NME1: variants seen among roughly 807,000 people sequenced by gnomAD.
NME1 encodes nucleoside diphosphate kinase A.
In NME1, 9 loss-of-function variants were observed where a neutral mutation model predicts 17.2. The observed-to-expected ratio is 0.52, with a 90% CI of 0.32 to 0.92. The LOEUF is 0.92. Among genes scored for constraint, NME1 ranks in the 40% least tolerant of loss-of-function variants. The probability of loss-of-function intolerance (pLI) is 0.04; values close to 1 mark genes in which losing one functional copy is unlikely to be tolerated. For synonymous variants in NME1, 72 were observed against 70.8 expected (o/e 1.02, Z -0.09); for missense variants, 169 against 201.7 (o/e 0.84, Z 0.98).
intron 2 of NME1, 57 bp downstream of exon 2, chr17:51,155,837 G>A: frequency 6.2e-7 from 1 of 1,606,614 alleles, no homozygotes; most frequent in South Asian, 1.1e-5. Context: ...AGAACACTGT[G>A]ATTAACCTGT....
intron 2 of NME1, among the ~76,000 whole-genome samples, chr17:51,158,781 C>T (rs751911701): frequency 9.9e-5 from 15 of 152,142 alleles, no homozygotes; most frequent in Non-Finnish European, 1.0e-4. Context: ...TTTTAACAAG[C>T]GTATATGCAG....
At chr17:51,154,770 C>T (rs1233387908) in intron 1 of NME1, among the ~76,000 whole-genome samples, 1 of 152,184 alleles carries the variant, frequency 6.6e-6, no homozygotes, top group Non-Finnish European at 1.5e-5. Flanking sequence ...TTAAGTCAAA[C>T]TATTATTTCT....
At chr17:51,161,439 C>A in intron 4 of NME1, 167 bp downstream of exon 4, 1 of 743,126 alleles carries the variant, frequency 1.3e-6, no homozygotes, top group Non-Finnish European at 2.3e-6. Context: ...TTGTTAACAT[C>A]ACTTAGTCGT....
Position 51,155,709 on chromosome 17 carries a change from G to T in NME1, c.55G>T (p.Gly19Cys). 1 of 1,614,156 alleles carries T rather than the reference G, an allele frequency of 6.2e-7. No individual in the cohort carries two copies. Reference sequence around the variant, plus strand: ...GATCAAACCAGATGGGGTCCAGCGGGGTCTTGTGGGAGAGATTATCAAGCG... The same window carrying T: ...GATCAAACCAGATGGGGTCCAGCGGTGTCTTGTGGGAGAGATTATCAAGCG... ...IAIKPDGVQR[G>C]LVGEIIKRFE... Residue 19 changes from glycine (G) to cysteine (C), a missense_variant, in exon 2 of 5, where the codon GGT becomes TGT. Coordinates refer to ENST00000393196, the MANE Select transcript of NME1 (RefSeq NM_000269.3).
In NME1 at chr17:51,161,960, A is replaced by G; in HGVS notation, c.*115A>G. 1.3e-6 allele frequency: 1 copy of G among 758,564 alleles called. No homozygotes were observed. The highest frequency in any genetic ancestry group is 1.8e-5 in the Admixed American group (1 of 55,288). 47.0% of individuals were successfully genotyped at this position (758,564 alleles called of 1,614,324 possible). A position where few individuals can be genotyped will look rare whatever the true frequency, so the allele number is the denominator to read the frequency against. On this transcript the variant is annotated 3_prime_UTR_variant, in exon 5 of 5. Coordinates refer to ENST00000393196, the MANE Select transcript of NME1 (RefSeq NM_000269.3). ...GGAACTTCATCATAATTTGGAGGGAAGCTCTTGGAGCTGTGAGTTCTCCCT... is the reference window on the plus strand; with the variant it reads ...GGAACTTCATCATAATTTGGAGGGAGGCTCTTGGAGCTGTGAGTTCTCCCT...
chr17:51,161,894 A>C lies in NME1; in HGVS notation c.*49A>C. 8.5e-7 allele frequency: 1 copy of C among 1,176,396 alleles called. No individual in the cohort carries two copies. The highest frequency in any genetic ancestry group is 1.3e-6 in the Non-Finnish European group (1 of 782,192). The allele number at this position is 1,176,396 out of a possible 1,614,324, so 72.9% of individuals were successfully genotyped here. A position where few individuals can be genotyped will look rare whatever the true frequency, so the allele number is the denominator to read the frequency against. ...TTCACATCCATTTCCCCTCCTTCCC[A>C]TGGGCAGAGGACCAGGCTGTAGGAA... is the stretch of plus-strand genomic sequence containing the variant. On this transcript the variant is annotated 3_prime_UTR_variant, in exon 5 of 5. Transcript: ENST00000393196.
At position 51,155,756 on chromosome 17, in the gene NME1, C is replaced by T; in HGVS notation, c.102C>T (p.Arg34=). The part of the protein sequence containing the change: ...IIKRFEQKGF[R]LVGLKFMQAS... ...AGCGTTTTGAGCAGAAAGGATTCCG[C>T]CTTGTTGGTCTGAAATTCATGCAAG... is the stretch of plus-strand genomic sequence containing the variant. The change falls in exon 2 of 5, where the codon CGC becomes CGT. Residue 34 remains arginine (R), a synonymous_variant. Coordinates refer to ENST00000393196, the MANE Select transcript of NME1 (RefSeq NM_000269.3). 3.7e-6 allele frequency: 6 copies of T among 1,613,906 alleles called. No individual in the cohort carries two copies. Among genetic ancestry groups the T allele is most frequent in the Non-Finnish European group, 4.2e-6 (5 of 1,179,870 alleles).
intron 2 of NME1, 80 bp from the exon 3 acceptor site, chr17:51,159,900 G>A: frequency 6.5e-7 from 1 of 1,531,494 alleles, no homozygotes; most frequent in Non-Finnish European, 9.0e-7. Context: ...TACATAGCAG[G>A]GTGGATGAGG....
chr17:51,161,417 G>A (rs56377453), intron 4 of NME1, 145 bp downstream of exon 4: 24,234 of 866,890 alleles, frequency 0.028, 505 homozygotes, highest in Middle Eastern at 0.06. Context: ...TTAAGTTGGC[G>A]TTTGGCTTTG....
At chr17:51,153,820 C>G (rs548918430) in intron 1 of NME1, 158 bp downstream of exon 1, 53 of 162,674 alleles carry the variant, frequency 3.3e-4, no homozygotes, top group African/African-American at 1.3e-3. Context: ...CAAGTGCAGA[C>G]CGGTCGGCGC....
chr17:51,160,303 T>G, intron 3 of NME1: 1 of 639,754 alleles, frequency 1.6e-6, no homozygotes. Flanking sequence ...AACGCAATTT[T>G]TAAGCTGTGA....
At position 51,162,157 on chromosome 17, in the gene NME1, G is replaced by C. The variant is rs2318785; in HGVS notation, c.*312G>C. On this transcript the variant is annotated 3_prime_UTR_variant, in exon 5 of 5. Coordinates refer to ENST00000393196, the MANE Select transcript of NME1 (RefSeq NM_000269.3). ...TACTATAAAAATGATTTATTTTGAG[G>C]TCTCACATACACACAGGCATTCTTT... 1.1e-5 allele frequency: 3 copies of C among 274,234 alleles called. No homozygotes were observed. Among genetic ancestry groups the C allele is most frequent in the Non-Finnish European group, 2.1e-5 (3 of 140,550 alleles). 17.0% of individuals were successfully genotyped at this position (274,234 alleles called of 1,614,324 possible). A position where few individuals can be genotyped will look rare whatever the true frequency, so the allele number is the denominator to read the frequency against.
chr17:51,158,612 G>A (rs545678436), intron 2 of NME1, among the ~76,000 whole-genome samples: 1 of 152,318 alleles, frequency 6.6e-6, no homozygotes, highest in African/African-American at 2.4e-5. Flanking sequence ...GTGATTATAT[G>A]GCCATGTAAT....
intron 2 of NME1, among the ~76,000 whole-genome samples, chr17:51,157,454 A>AG (rs1464066492): frequency 2.6e-5 from 4 of 152,186 alleles, no homozygotes; most frequent in African/African-American, 9.7e-5. Context: ...TCTGTTCATG[A>AG]GGGTGAAGCC....
At chr17:51,154,419 C>T in intron 1 of NME1, 1 of 1,614,110 alleles carries the variant, frequency 6.2e-7, no homozygotes, top group Non-Finnish European at 8.5e-7. Context: ...AGGCGAGGGG[C>T]CTCCTATCTC....
intron 2 of NME1, among the ~76,000 whole-genome samples, chr17:51,158,332 TGA>T (rs2049817797): frequency 6.6e-6 from 1 of 151,336 alleles, no homozygotes; most frequent in Non-Finnish European, 1.5e-5. Context: ...TCCTAGCTAC[TGA>T]GAATCTGAGG....
At chr17:51,160,452 C>T (rs1010385652) in intron 3 of NME1, 8 of 370,856 alleles carry the variant, frequency 2.2e-5, no homozygotes, top group African/African-American at 1.3e-4. Context: ...TTTTGAAGTA[C>T]GGGAGGAGAG....
At chr17:51,160,239 T>C (rs1200353395) in intron 3 of NME1, 158 bp downstream of exon 3, 4 of 800,406 alleles carry the variant, frequency 5.0e-6, no homozygotes, top group Admixed American at 4.0e-5. Context: ...AAATGAAATA[T>C]GCCCAGAAAT....
rs1210130523 is a variant in NME1 at position 51,155,659 on chromosome 17, C to G, written c.5C>G (p.Ala2Gly). The stretch of plus-strand genomic sequence containing the variant: ...TACCTGCCTATCCCCAGAACCATGG[C>G]CAACTGTGAGCGTACCTTCATTGCG... Reference protein sequence around the residue: MANCERTFIAIK... With the variant: MGNCERTFIAIK... The change falls in exon 2 of 5, where the codon GCC (alanine) becomes GGC (glycine). Residue 2 changes from alanine (A) to glycine (G), a missense_variant. By Grantham distance (60) the Ala-to-Gly change is moderately conservative. Transcript: ENST00000393196. 1 of 1,613,774 alleles carries G rather than the reference C, an allele frequency of 6.2e-7. No homozygotes were observed. Among genetic ancestry groups the G allele is most frequent in the African/African-American group, 1.3e-5 (1 of 74,910 alleles).
Sources: allele counts gnomAD v4.1 joint callset (sites outside exome capture counted in the v4.1 genomes callset), GRCh38; gene constraint gnomAD v4.1.1; transcripts MANE v1.5; gene names NCBI Gene and HGNC (gene_info 2026-07-23, HGNC 2026-07-21).